Variants in NRXN3 observed in about 807,000 individuals in gnomAD.
NRXN3 encodes neurexin 3, also known as neurexin III.
A neutral mutation model predicts 137.6 loss-of-function variants in NRXN3; 32 were observed. The observed-to-expected ratio is 0.23, with a 90% CI of 0.18 to 0.31. The LOEUF is 0.31. NRXN3 is among the 10% of genes least tolerant of loss of function. The pLI is 1.00. For missense variants in NRXN3, 1,574 were observed against 2,062.5 expected (o/e 0.76, Z 4.59); for synonymous variants, 798 against 784.5 (o/e 1.02, Z -0.29).
At chr14:79,310,999 C>A (rs2087162744) in intron 15 of NRXN3, among the ~76,000 whole-genome samples, 1 of 129,248 alleles carries the variant, frequency 7.7e-6, no homozygotes, top group Non-Finnish European at 1.5e-5. Flanking sequence ...AGAGGGCATC[C>A]CTGTCTTGTA....
chr14:78,529,920 C>T (rs1276176927), intron 4 of NRXN3, among the ~76,000 whole-genome samples: 5 of 152,184 alleles, frequency 3.3e-5, no homozygotes, highest in Non-Finnish European at 7.3e-5. Flanking sequence ...CTTTGCTCTG[C>T]ACTGAATATT....
intron 15 of NRXN3, chr14:79,279,332 T>C (rs1485688139): frequency 3.6e-5 from 35 of 984,714 alleles, no homozygotes; most frequent in Non-Finnish European, 4.1e-5. Context: ...GGGAGTGCGC[T>C]ATTTGCATAT....
At chr14:79,527,868 C>T (rs1332182494) in intron 16 of NRXN3, among the ~76,000 whole-genome samples, 3 of 35,158 alleles carry the variant, frequency 8.5e-5, no homozygotes, top group Admixed American at 4.2e-4. Flanking sequence ...GAGACTCCTT[C>T]GCCAAAAAAA....
chr14:79,626,102 C>G (rs1219632143), intron 16 of NRXN3, among the ~76,000 whole-genome samples: 2 of 152,184 alleles, frequency 1.3e-5, no homozygotes, highest in Admixed American at 1.3e-4. Flanking sequence ...AGTTCATTTT[C>G]ATGTCTCTGT....
At chr14:79,848,447 G>A (rs2099384918) in intron 20 of NRXN3, among the ~76,000 whole-genome samples, 1 of 151,554 alleles carries the variant, frequency 6.6e-6, no homozygotes, top group Admixed American at 6.6e-5. Flanking sequence ...TTGAGTTTTT[G>A]CAATGTTTTT....
chr14:79,472,220 G>A (rs1039149038), intron 16 of NRXN3, among the ~76,000 whole-genome samples: 20 of 151,976 alleles, frequency 1.3e-4, no homozygotes, highest in African/African-American at 4.8e-4. Context: ...TTCATGATTT[G>A]CTCAGATTGT....
chr14:78,499,336 C>T (rs935514712), intron 4 of NRXN3, among the ~76,000 whole-genome samples: 1 of 152,094 alleles, frequency 6.6e-6, no homozygotes, highest in Non-Finnish European at 1.5e-5. Flanking sequence ...ACTTTCTCAT[C>T]ATTTTCCCTA....
chr14:79,257,900 T>C (rs2077015927), intron 15 of NRXN3, among the ~76,000 whole-genome samples: 1 of 152,038 alleles, frequency 6.6e-6, no homozygotes, highest in Non-Finnish European at 1.5e-5. Flanking sequence ...AGGAAAATGA[T>C]TCTTATTCAA....
At chr14:78,718,937 G>T (rs2098446851) in intron 8 of NRXN3, among the ~76,000 whole-genome samples, 1 of 152,144 alleles carries the variant, frequency 6.6e-6, no homozygotes, top group Non-Finnish European at 1.5e-5. Flanking sequence ...TTGGACAGAG[G>T]AAACAGTCTA....
At chr14:79,226,996 T>C (rs1462893763) in intron 15 of NRXN3, among the ~76,000 whole-genome samples, 1 of 151,976 alleles carries the variant, frequency 6.6e-6, no homozygotes, top group Admixed American at 6.6e-5. Flanking sequence ...AATTTTTGTA[T>C]TTTTAGTAGA....
intron 3 of NRXN3, among the ~76,000 whole-genome samples, chr14:78,291,780 T>A (rs1353866651): frequency 6.6e-6 from 1 of 152,216 alleles, no homozygotes; most frequent in Non-Finnish European, 1.5e-5. Flanking sequence ...TTAGTGACAT[T>A]TAATTTCTCT....
At chr14:79,796,528 GA>G (rs879920530) in intron 19 of NRXN3, among the ~76,000 whole-genome samples, 148 of 150,616 alleles carry the variant, frequency 9.8e-4, no homozygotes, top group South Asian at 5.1e-3. Flanking sequence ...AAAGTGGGGG[GA>G]AAAAAAAATT....
At chr14:79,749,446 T>G (rs1568104350) in intron 19 of NRXN3, among the ~76,000 whole-genome samples, 1 of 151,920 alleles carries the variant, frequency 6.6e-6, no homozygotes, top group South Asian at 2.1e-4. Context: ...GTTTTTTTTT[T>G]TGTAGTGACA....
intron 15 of NRXN3, among the ~76,000 whole-genome samples, chr14:79,347,482 C>T (rs970577841): frequency 2.0e-5 from 3 of 150,928 alleles, no homozygotes; most frequent in East Asian, 2.0e-4. Context: ...AGTGCAGTGG[C>T]GTGATCTCGG....
intron 4 of NRXN3, among the ~76,000 whole-genome samples, chr14:78,481,122 G>A (rs2095466810): frequency 6.6e-6 from 1 of 152,138 alleles, no homozygotes; most frequent in Non-Finnish European, 1.5e-5. Context: ...ATTCTGGTGT[G>A]CAAGTGTGGG....
chr14:79,383,761 C>G (rs1271845138), intron 15 of NRXN3, among the ~76,000 whole-genome samples: 3 of 152,208 alleles, frequency 2.0e-5, no homozygotes, highest in East Asian at 3.9e-4. Context: ...GTCTCAAATG[C>G]ATGCTTCATT....
At chr14:79,444,784 C>A (rs1345315631) in intron 15 of NRXN3, among the ~76,000 whole-genome samples, 2 of 152,118 alleles carry the variant, frequency 1.3e-5, no homozygotes, top group Non-Finnish European at 2.9e-5. Flanking sequence ...GTTATGATCA[C>A]CACTGCAGTC....
chr14:79,138,698 A>T (rs1184745101), intron 15 of NRXN3, among the ~76,000 whole-genome samples: 1 of 152,238 alleles, frequency 6.6e-6, no homozygotes, highest in Non-Finnish European at 1.5e-5. Context: ...GAACTTAGGC[A>T]GAAGGTAATG....
rs569150158 is a variant in NRXN3 at position 79,830,380 on chromosome 14, T to A, written c.4093+25190T>A. Reference sequence around the variant, plus strand: ...TCTGGATAGTGAACAAAATGCTTTTTCAATTTTTAAAATGGAGGCACCTTT... The same window carrying A: ...TCTGGATAGTGAACAAAATGCTTTTACAATTTTTAAAATGGAGGCACCTTT... On this transcript the variant is annotated intron_variant, in intron 20 of 20. Coordinates refer to ENST00000335750, the MANE Select transcript of NRXN3 (RefSeq NM_001330195.2). Among the ~76,000 whole-genome samples, 3 of 152,306 alleles carry A rather than the reference T, an allele frequency of 2.0e-5. No individual in the cohort carries two copies. The South Asian group carries it at 6.2e-4, about 32-fold the overall frequency.
Sources: allele counts gnomAD v4.1 joint callset (sites outside exome capture counted in the v4.1 genomes callset), GRCh38; gene constraint gnomAD v4.1.1; transcripts MANE v1.5; gene names NCBI Gene and HGNC (gene_info 2026-07-23, HGNC 2026-07-21).